The following C8orf34 variants were observed in gnomAD, a reference collection of about 807,000 sequenced individuals.
C8orf34 encodes chromosome 8 open reading frame 34.
In C8orf34, 65 loss-of-function variants were observed where a neutral mutation model predicts 68.3. That is an observed-to-expected ratio of 0.95 (90% confidence interval 0.78 to 1.17). The LOEUF (loss-of-function observed/expected upper bound fraction) is 1.17. Among genes scored for constraint, C8orf34 ranks in the 50% most tolerant of loss-of-function variants. The pLI, the probability that C8orf34 is intolerant of heterozygous loss-of-function variation, is 0.00. For missense variants in C8orf34, 664 were observed against 655.4 expected (o/e 1.01, Z -0.14); for synonymous variants, 244 against 241.2 (o/e 1.01, Z -0.11).
At chr8:68,394,149 A>G (rs1470901049) in intron 1 of C8orf34, among the ~76,000 whole-genome samples, 3 of 151,706 alleles carry the variant, frequency 2.0e-5, no homozygotes, top group African/African-American at 7.3e-5. Flanking sequence ...CAGGTTAGTT[A>G]CATATGTATA....
intron 7 of C8orf34, among the ~76,000 whole-genome samples, chr8:68,571,898 G>A (rs1897905): frequency 0.3 from 44,882 of 151,800 alleles, 7,367 homozygotes; most frequent in Non-Finnish European, 0.36. Context: ...TTAACAATGG[G>A]GATGCATTCT....
chr8:68,667,047 C>A (rs1302034507), intron 8 of C8orf34, among the ~76,000 whole-genome samples: 1 of 152,018 alleles, frequency 6.6e-6, no homozygotes, highest in Non-Finnish European at 1.5e-5. Flanking sequence ...ACAGAACTTA[C>A]CCTGATAGTT....
intron 7 of C8orf34, among the ~76,000 whole-genome samples, chr8:68,555,142 A>G (rs1448980353): frequency 1.3e-5 from 2 of 152,080 alleles, no homozygotes; most frequent in Non-Finnish European, 2.9e-5. Flanking sequence ...ATAAGCCCAA[A>G]GGGATAGTGT....
At chr8:68,760,186 T>G (rs375007010) in intron 10 of C8orf34, among the ~76,000 whole-genome samples, 22 of 152,234 alleles carry the variant, frequency 1.4e-4, no homozygotes, top group African/African-American at 4.6e-4. Context: ...CACCCACAGG[T>G]CAGCACAGCT....
Position 68,330,963 on chromosome 8 carries a change from G to T in C8orf34, c.-50G>T. 1 of 1,301,540 alleles carries T rather than the reference G, an allele frequency of 7.7e-7. No homozygotes were observed. Among genetic ancestry groups the T allele is most frequent in the South Asian group, 1.8e-5 (1 of 56,790 alleles). 80.6% of individuals were successfully genotyped at this position (1,301,540 alleles called of 1,614,324 possible). A position where few individuals can be genotyped will look rare whatever the true frequency, so the allele number is the denominator to read the frequency against. ...CTGCCTCGAATTTCCCCACTGCGCCGGGCGCTGCGGAGAGCGGCGAGGGTG... is the reference window on the plus strand; with the variant it reads ...CTGCCTCGAATTTCCCCACTGCGCCTGGCGCTGCGGAGAGCGGCGAGGGTG... On this transcript the variant is annotated 5_prime_UTR_variant, in exon 1 of 14. Transcript: ENST00000518698.
chr8:68,808,412 T>C (rs1412903889), intron 12 of C8orf34, among the ~76,000 whole-genome samples: 1 of 152,132 alleles, frequency 6.6e-6, no homozygotes, highest in Non-Finnish European at 1.5e-5. Context: ...ATGTGCTTGA[T>C]AAATATTAGT....
At chr8:68,402,117 T>C (rs973175340) in intron 1 of C8orf34, among the ~76,000 whole-genome samples, 5 of 152,132 alleles carry the variant, frequency 3.3e-5, no homozygotes, top group African/African-American at 1.2e-4. Flanking sequence ...GATTTCTGTT[T>C]CTTGTTGCTT....
chr8:68,657,069 A>T (rs2130797119), intron 8 of C8orf34, among the ~76,000 whole-genome samples: 1 of 152,228 alleles, frequency 6.6e-6, no homozygotes, highest in East Asian at 1.9e-4. Context: ...TTTTCCTTAC[A>T]AAGTTCCTAT....
chr8:68,525,644 C>T, intron 6 of C8orf34: 3 of 716,894 alleles, frequency 4.2e-6, no homozygotes, highest in Non-Finnish European at 5.1e-6. Flanking sequence ...ATTATGCTGC[C>T]ATTTTTCTAG....
At chr8:68,383,194 T>C (rs960691802) in intron 1 of C8orf34, among the ~76,000 whole-genome samples, 6 of 152,256 alleles carry the variant, frequency 3.9e-5, no homozygotes, top group African/African-American at 1.4e-4. Context: ...CATGTTTATA[T>C]TCTTTATTTA....
At chr8:68,546,098 T>C (rs1346330703) in intron 7 of C8orf34, among the ~76,000 whole-genome samples, 2 of 152,004 alleles carry the variant, frequency 1.3e-5, no homozygotes, top group African/African-American at 4.8e-5. Flanking sequence ...GAGTTTTCCC[T>C]AAAAAGCTAA....
chr8:68,330,959 C>A lies in C8orf34; in HGVS notation c.-54C>A, dbSNP rs1434125067. ...ACCTCTGCCTCGAATTTCCCCACTGCGCCGGGCGCTGCGGAGAGCGGCGAG... is the reference window on the plus strand; with the variant it reads ...ACCTCTGCCTCGAATTTCCCCACTGAGCCGGGCGCTGCGGAGAGCGGCGAG... On this transcript the variant is annotated 5_prime_UTR_variant, in exon 1 of 14. Coordinates refer to ENST00000518698, the MANE Select transcript of C8orf34 (RefSeq NM_052958.4). 1 of 1,297,762 alleles carries A rather than the reference C, an allele frequency of 7.7e-7. No homozygotes were observed. The highest frequency in any genetic ancestry group is 9.9e-7 in the Non-Finnish European group (1 of 1,005,370). The allele number at this position is 1,297,762 out of a possible 1,614,324, so 80.4% of individuals were successfully genotyped here.
chr8:68,771,518 C>T (rs1034251302), intron 10 of C8orf34, among the ~76,000 whole-genome samples: 1 of 152,142 alleles, frequency 6.6e-6, no homozygotes, highest in South Asian at 2.1e-4. Context: ...TGGTGCTCTT[C>T]ATTGCAATGC....
At chr8:68,617,553 TG>T in intron 7 of C8orf34, among the ~76,000 whole-genome samples, 1 of 152,308 alleles carries the variant, frequency 6.6e-6, no homozygotes, top group East Asian at 1.9e-4. Context: ...AAGCTTAGTT[TG>T]GCTGGATATG....
At chr8:68,509,175 T>A (rs1000252414) in intron 5 of C8orf34, among the ~76,000 whole-genome samples, 4 of 152,018 alleles carry the variant, frequency 2.6e-5, no homozygotes, top group African/African-American at 9.7e-5. Context: ...GGCACTGTGT[T>A]GGGGGAAAAT....
intron 8 of C8orf34, among the ~76,000 whole-genome samples, chr8:68,668,086 T>C (rs1819894886): frequency 6.6e-6 from 1 of 152,068 alleles, no homozygotes. Context: ...TATTAAATAA[T>C]CAAGAAAAAT....
chr8:68,554,765 G>A (rs139668628), intron 7 of C8orf34, among the ~76,000 whole-genome samples: 1 of 152,230 alleles, frequency 6.6e-6, no homozygotes, highest in African/African-American at 2.4e-5. Context: ...AAAGGCAAAT[G>A]TCTAGTCATT....
chr8:68,548,543 G>A (rs1815961566), intron 7 of C8orf34, among the ~76,000 whole-genome samples: 1 of 151,774 alleles, frequency 6.6e-6, no homozygotes, highest in Admixed American at 6.6e-5. Context: ...ATGTTGCTAA[G>A]TACGTGGAGC....
In C8orf34 at chr8:68,331,273, G is replaced by C. The variant is rs1242461989; in HGVS notation, c.261G>C (p.Met87Ile). The C allele has an allele frequency of 2.0e-6, 3 of 1,536,306 alleles. No homozygotes were observed. Among genetic ancestry groups the C allele is most frequent in the Non-Finnish European group, 2.6e-6 (3 of 1,146,992 alleles). Residue 87 changes from methionine (M) to isoleucine (I), a missense_variant, in exon 1 of 14, where the codon ATG (methionine) becomes ATC (isoleucine). Physicochemically the swap from Met to Ile is conservative, Grantham distance 10. Transcript: ENST00000518698. ...CTTCGCGGTCCCATCTGTTCCCCAT[G>C]GCGTCTCATCCGCAAACCCGGATCC... ...ALSSRSHLFP[M>I]ASHPQTRIQA...
Sources: allele counts gnomAD v4.1 joint callset (sites outside exome capture counted in the v4.1 genomes callset), GRCh38; gene constraint gnomAD v4.1.1; transcripts MANE v1.5; gene names NCBI Gene and HGNC (gene_info 2026-07-23, HGNC 2026-07-21).